Variants in SETD2 observed in about 807,000 individuals in gnomAD.
The protein encoded by SETD2 is histone-lysine N-methyltransferase SETD2.
Under a neutral mutation model 242.1 loss-of-function variants are expected in SETD2, and 31 were observed. The ratio of observed to expected loss-of-function variants is 0.13; its 90% CI spans 0.10 to 0.17. The LOEUF (loss-of-function observed/expected upper bound fraction) is 0.17. Among genes scored for constraint, SETD2 ranks in the 10% least tolerant of loss-of-function variants. The pLI is 1.00. For synonymous variants in SETD2, 1,006 were observed against 1,066.5 expected (o/e 0.94, Z 1.11); for missense variants, 2,481 against 3,046.3 (o/e 0.81, Z 4.37).
intron 1 of SETD2, among the ~76,000 whole-genome samples, chr3:47,156,670 C>A (rs2044134122): frequency 6.6e-6 from 1 of 152,090 alleles, no homozygotes; most frequent in Non-Finnish European, 1.5e-5. Flanking sequence ...AAGAAGGTAA[C>A]CTGGCCTGTA....
intron 18 of SETD2, among the ~76,000 whole-genome samples, chr3:47,036,778 T>G (rs990693814): frequency 6.6e-5 from 10 of 151,826 alleles, no homozygotes; most frequent in Non-Finnish European, 1.3e-4. Flanking sequence ...AGTGCACATC[T>G]GTAGTCCCAG....
chr3:47,028,060 C>T (rs2038585941), intron 18 of SETD2, among the ~76,000 whole-genome samples: 1 of 152,016 alleles, frequency 6.6e-6, no homozygotes, highest in Admixed American at 6.6e-5. Context: ...CAGACTTGTG[C>T]TTCTGGTCAT....
intron 12 of SETD2, among the ~76,000 whole-genome samples, chr3:47,071,064 T>A (rs564607538): frequency 6.6e-6 from 1 of 152,214 alleles, no homozygotes; most frequent in East Asian, 1.9e-4. Context: ...CAAACTCCCA[T>A]GCTCAAGGGA....
chr3:47,157,290 T>C (rs974710293), intron 1 of SETD2, among the ~76,000 whole-genome samples: 4 of 151,996 alleles, frequency 2.6e-5, no homozygotes, highest in Admixed American at 2.6e-4. Context: ...GGAGTGGTGG[T>C]GCACATTTGC....
At chr3:47,090,944 T>C (rs998546776) in intron 9 of SETD2, among the ~76,000 whole-genome samples, 7 of 152,216 alleles carry the variant, frequency 4.6e-5, no homozygotes, top group Non-Finnish European at 1.0e-4. Flanking sequence ...TATTTCATAT[T>C]GTACCCAAAA....
chr3:47,149,512 A>T (rs2043935735), intron 1 of SETD2, among the ~76,000 whole-genome samples: 1 of 152,164 alleles, frequency 6.6e-6, no homozygotes, highest in South Asian at 2.1e-4. Flanking sequence ...CTGAAGGGGA[A>T]ATGGGCATAG....
At chr3:47,108,356 G>GA (rs1029689909) in intron 5 of SETD2, among the ~76,000 whole-genome samples, 57 of 151,980 alleles carry the variant, frequency 3.8e-4, no homozygotes, top group African/African-American at 1.1e-3. Context: ...AAGGTAGTAT[G>GA]AAAAATAAAA....
chr3:47,057,825 A>G (rs758587032), intron 14 of SETD2, among the ~76,000 whole-genome samples: 11 of 152,198 alleles, frequency 7.2e-5, no homozygotes, highest in African/African-American at 2.4e-4. Flanking sequence ...AAAAAACAAA[A>G]TAAGTGTCAT....
At chr3:47,061,870 C>A (rs2040346320) in intron 14 of SETD2, among the ~76,000 whole-genome samples, 1 of 152,066 alleles carries the variant, frequency 6.6e-6, no homozygotes, top group Admixed American at 6.6e-5. Flanking sequence ...GACTTATCTC[C>A]CACCAACCCC....
Position 47,084,078 on chromosome 3 carries a change from T to C in SETD2, c.5702A>G (p.Glu1901Gly), listed in dbSNP as rs1559701548. Reference sequence around the variant, plus strand: ...AAGATCCTCTTTGCCATCCTTGCCTTCTAGCTCACTGGTTGCATCAGAGAT... The same window carrying C: ...AAGATCCTCTTTGCCATCCTTGCCTCCTAGCTCACTGGTTGCATCAGAGAT... ...SAISDATSEL[E>G]GKDGKEDLDQ... is the part of the protein sequence containing the mutation. The change falls in exon 12 of 21, where the codon GAA becomes GGA. Residue 1901 changes from glutamate to glycine, a missense_variant. Coordinates refer to ENST00000409792, the MANE Select transcript of SETD2 (RefSeq NM_014159.7). 6.2e-7 allele frequency: 1 copy of C among 1,614,214 alleles called. No homozygotes were observed. Among genetic ancestry groups the C allele is most frequent in the Non-Finnish European group, 8.5e-7 (1 of 1,180,026 alleles).
At chr3:47,041,182 T>C (rs561992038) in intron 17 of SETD2, among the ~76,000 whole-genome samples, 20 of 152,356 alleles carry the variant, frequency 1.3e-4, no homozygotes, top group African/African-American at 4.6e-4. Flanking sequence ...TTTTGACCTG[T>C]GGGCCAAATG....
intron 12 of SETD2, among the ~76,000 whole-genome samples, chr3:47,082,489 C>G (rs1012638633): frequency 1.3e-5 from 2 of 152,208 alleles, no homozygotes; most frequent in Admixed American, 6.5e-5. Context: ...AAAAATCCAT[C>G]AAGTGACTAT....
intron 15 of SETD2, among the ~76,000 whole-genome samples, chr3:47,049,837 TGA>T (rs1219772371): frequency 4.6e-5 from 3 of 65,066 alleles, no homozygotes; most frequent in Non-Finnish European, 1.0e-4. Flanking sequence ...AAACTTATTC[TGA>T]GTTTATATTA....
chr3:47,140,289 T>C (rs1252393846), intron 1 of SETD2, among the ~76,000 whole-genome samples: 1 of 152,182 alleles, frequency 6.6e-6, no homozygotes, highest in Non-Finnish European at 1.5e-5. Flanking sequence ...GTGAATGATA[T>C]TCACCTGTTA....
intron 8 of SETD2, among the ~76,000 whole-genome samples, chr3:47,100,028 A>C (rs1184365955): frequency 6.7e-6 from 1 of 150,022 alleles, no homozygotes; most frequent in African/African-American, 2.5e-5. Flanking sequence ...GCTGGAGTGC[A>C]GTAGCACGAT....
intron 1 of SETD2, among the ~76,000 whole-genome samples, chr3:47,150,028 CTTTTT>C (rs71098457): frequency 2.2e-5 from 2 of 92,444 alleles, no homozygotes; most frequent in African/African-American, 4.4e-5. Context: ...TCCAAAAATA[CTTTTT>C]TTTTTTTTTT....
At chr3:47,046,344 A>T (rs2039526665) in intron 16 of SETD2, 143 bp downstream of exon 16, 3 of 653,418 alleles carry the variant, frequency 4.6e-6, no homozygotes, top group East Asian at 3.4e-5. Context: ...CTCAAAAAAA[A>T]AATAAAATAA....
chr3:47,106,908 A>G (rs2042450672), intron 5 of SETD2, among the ~76,000 whole-genome samples: 1 of 152,178 alleles, frequency 6.6e-6, no homozygotes, highest in African/African-American at 2.4e-5. Flanking sequence ...AAAATGTTAA[A>G]GATCAAATCT....
intron 3 of SETD2, among the ~76,000 whole-genome samples, chr3:47,117,225 T>C (rs148438795): frequency 2.0e-4 from 27 of 137,778 alleles, no homozygotes; most frequent in African/African-American, 7.4e-4. Context: ...TAATTATTAG[T>C]ACTTGTGAGA....
Sources: allele counts gnomAD v4.1 joint callset (sites outside exome capture counted in the v4.1 genomes callset), GRCh38; gene constraint gnomAD v4.1.1; transcripts MANE v1.5; gene names NCBI Gene and HGNC (gene_info 2026-07-23, HGNC 2026-07-21).